BMPR2: variants seen among roughly 807,000 people sequenced by gnomAD.
The protein encoded by BMPR2 is bone morphogenetic protein receptor type-2.
In BMPR2, 29 loss-of-function variants were observed where a neutral mutation model predicts 100.8. That is an observed-to-expected ratio of 0.29 (90% CI 0.21 to 0.39). The LOEUF (loss-of-function observed/expected upper bound fraction) is 0.39. Among genes scored for constraint, BMPR2 ranks in the 10% least tolerant of loss-of-function variants. BMPR2 has a pLI of 1.00. For missense variants in BMPR2, 1,011 were observed against 1,274.5 expected (o/e 0.79, Z 3.15); for synonymous variants, 382 against 442.3 (o/e 0.86, Z 1.71).
chr2:202,483,310 A>G (rs1692697871), intron 3 of BMPR2, among the ~76,000 whole-genome samples: 1 of 149,328 alleles, frequency 6.7e-6, no homozygotes, highest in African/African-American at 2.5e-5. Flanking sequence ...TTGCCGTTTC[A>G]CTCTTTTGAT....
chr2:202,487,777 A>G (rs1473521025), intron 3 of BMPR2, among the ~76,000 whole-genome samples: 1 of 152,234 alleles, frequency 6.6e-6, no homozygotes, highest in Admixed American at 6.5e-5. Context: ...CTCAAACTTT[A>G]GCATTAATCA....
chr2:202,482,893 C>CA (rs1692688674), intron 3 of BMPR2, among the ~76,000 whole-genome samples: 1 of 152,114 alleles, frequency 6.6e-6, no homozygotes. Context: ...ACTATGTTGT[C>CA]AGGCTGGTCG....
chr2:202,535,193 C>A (rs1331913553), intron 9 of BMPR2, among the ~76,000 whole-genome samples: 2 of 150,708 alleles, frequency 1.3e-5, no homozygotes, highest in Non-Finnish European at 3.0e-5. Flanking sequence ...TGACCCCCCC[C>A]ACCTCCCTCC....
chr2:202,452,980 A>C (rs1254790755), intron 1 of BMPR2, among the ~76,000 whole-genome samples: 4 of 152,218 alleles, frequency 2.6e-5, no homozygotes, highest in African/African-American at 9.6e-5. Context: ...TAAAGAGAAC[A>C]GAATGCATGA....
chr2:202,515,090 T>A, intron 5 of BMPR2, 111 bp downstream of exon 5: 1 of 1,148,058 alleles, frequency 8.7e-7, no homozygotes, highest in Non-Finnish European at 1.3e-6. Flanking sequence ...CCCTATTTAC[T>A]AAATTACAAT....
intron 1 of BMPR2, among the ~76,000 whole-genome samples, chr2:202,419,143 A>C (rs141108448): frequency 6.6e-6 from 1 of 152,192 alleles, no homozygotes; most frequent in African/African-American, 2.4e-5. Flanking sequence ...GATGGCAAGA[A>C]TAGTAAGATT....
chr2:202,425,535 G>A (rs909961833), intron 1 of BMPR2, among the ~76,000 whole-genome samples: 9 of 152,138 alleles, frequency 5.9e-5, no homozygotes, highest in Non-Finnish European at 8.8e-5. Flanking sequence ...TCTCTGGGCC[G>A]AGATTAAAGG....
At chr2:202,511,067 G>A (rs1687615145) in intron 3 of BMPR2, among the ~76,000 whole-genome samples, 1 of 149,222 alleles carries the variant, frequency 6.7e-6, no homozygotes, top group African/African-American at 2.5e-5. Flanking sequence ...CACATTCATA[G>A]TGTTGTGCAA....
chr2:202,402,965 A>G (rs552743639), intron 1 of BMPR2, among the ~76,000 whole-genome samples: 1 of 150,514 alleles, frequency 6.6e-6, no homozygotes, highest in African/African-American at 2.5e-5. Flanking sequence ...AGTAGATGGG[A>G]TTACAGGCAT....
At chr2:202,521,302 C>T (rs1687815344) in intron 7 of BMPR2, among the ~76,000 whole-genome samples, 1 of 152,204 alleles carries the variant, frequency 6.6e-6, no homozygotes. Flanking sequence ...ATTGATGGCT[C>T]ATGCCTGTAA....
chr2:202,459,224 C>G (rs1692179467), intron 1 of BMPR2, among the ~76,000 whole-genome samples: 1 of 152,136 alleles, frequency 6.6e-6, no homozygotes, highest in Non-Finnish European at 1.5e-5. Context: ...TGGCAAACAT[C>G]TATATTTTTG....
chr2:202,530,213 T>A (rs1307861938), intron 7 of BMPR2, among the ~76,000 whole-genome samples: 1 of 152,138 alleles, frequency 6.6e-6, no homozygotes, highest in Admixed American at 6.6e-5. Flanking sequence ...AAAAACAAGT[T>A]TTCATATCTT....
At position 202,542,195 on chromosome 2, in the gene BMPR2, TAAA is replaced by T. The variant is rs987314190; in HGVS notation, c.1277-113_1277-111del. On this transcript the variant is annotated intron_variant, in intron 9 of 12. Coordinates refer to ENST00000374580, the MANE Select transcript of BMPR2 (RefSeq NM_001204.7). ...AATGTGCCTGAAGGGGATGAAAAAA[TAAA>T]AAGATTGTGACACAATTTTTTTTGC... 2.5e-5 allele frequency: 31 copies of T among 1,235,306 alleles called. No homozygotes were observed. In the African/African-American group the frequency reaches 4.1e-4, roughly 16 times the overall value. The allele number at this position is 1,235,306 out of a possible 1,614,324, so 76.5% of individuals were successfully genotyped here.
Position 202,555,795 on chromosome 2 carries a change from C to A in BMPR2, c.2130C>A (p.Leu710=). 4 of 1,614,112 alleles carry A rather than the reference C, an allele frequency of 2.5e-6. No homozygotes were observed. The highest frequency in any genetic ancestry group is 3.4e-6 in the Non-Finnish European group (4 of 1,180,030). The part of the protein sequence containing the change: ...SSTSSSLLYP[L]IKLAVEATGQ... ...CTAGTTCTAGCTTGCTTTACCCACTCATAAAACTTGCAGTAGAAGCAACTG... is the reference window on the plus strand; with the variant it reads ...CTAGTTCTAGCTTGCTTTACCCACTAATAAAACTTGCAGTAGAAGCAACTG... The change falls in exon 12 of 13, where the codon CTC becomes CTA. Residue 710 remains leucine (L), a synonymous_variant. Coordinates refer to ENST00000374580, the MANE Select transcript of BMPR2 (RefSeq NM_001204.7).
chr2:202,431,522 A>G (rs1259537825), intron 1 of BMPR2, among the ~76,000 whole-genome samples: 2 of 150,730 alleles, frequency 1.3e-5, no homozygotes, highest in Non-Finnish European at 2.9e-5. Context: ...GTCATGCACC[A>G]CTTAATGATG....
Position 202,561,589 on chromosome 2 carries a change from A to G in BMPR2, c.*1643A>G, listed in dbSNP as rs1329825755. The G allele has an allele frequency of 6.6e-6, 1 of 152,032 alleles. No individual in the cohort carries two copies. The highest frequency in any genetic ancestry group is 2.4e-5 in the African/African-American group (1 of 41,416). The allele number at this position is 152,032 out of a possible 1,614,324, so 9.4% of individuals were successfully genotyped here. On this transcript the variant is annotated 3_prime_UTR_variant, in exon 13 of 13. Transcript: ENST00000374580. Reference sequence around the variant, plus strand: ...ATTATCAGAGTACTTAGTAAATGTTATATAGTTTAGTTCTAAGATAGTTCC... The same window carrying G: ...ATTATCAGAGTACTTAGTAAATGTTGTATAGTTTAGTTCTAAGATAGTTCC...
chr2:202,524,864 C>T (rs1274083626), intron 7 of BMPR2, among the ~76,000 whole-genome samples: 4 of 151,842 alleles, frequency 2.6e-5, no homozygotes, highest in African/African-American at 4.8e-5. Context: ...GAAACCCCAT[C>T]TCTACTAAAA....
At position 202,532,722 on chromosome 2, in the gene BMPR2, C is replaced by G; in HGVS notation, c.1266C>G (p.Asp422Glu). ...IYWEIFMRCT[D>E]LFPGESVPEY... Reference sequence around the variant, plus strand: ...GGGAGATATTTATGAGATGTACAGACCTCTTCCCAGGTAAAAACTACTGTC... The same window carrying G: ...GGGAGATATTTATGAGATGTACAGAGCTCTTCCCAGGTAAAAACTACTGTC... The change falls in exon 9 of 13, where the codon GAC (aspartate) becomes GAG (glutamate). Residue 422 changes from aspartate (D) to glutamate (E), a missense_variant. Physicochemically the swap from Asp to Glu is conservative, Grantham distance 45. Transcript: ENST00000374580. The surrounding 1 kb of genome is among the most constrained non-coding windows in gnomAD (Gnocchi z 4.1). 1 of 1,612,696 alleles carries G rather than the reference C, an allele frequency of 6.2e-7. No individual in the cohort carries two copies. Among genetic ancestry groups the G allele is most frequent in the South Asian group, 1.1e-5 (1 of 91,070 alleles).
Position 202,555,322 on chromosome 2 carries a change from G to C in BMPR2, c.1657G>C (p.Glu553Gln). Residue 553 changes from glutamate to glutamine, a missense_variant, in exon 12 of 13, where the codon GAA (glutamate) becomes CAA (glutamine). Around this residue, in one of 6 missense-constraint regions of BMPR2, gnomAD observed 508 missense variants for 552.0 expected, o/e 0.92. Transcript: ENST00000374580. Reference protein sequence around the residue: ...YPDYSSSSYIEDSIHHTDSIV... With the variant: ...YPDYSSSSYIQDSIHHTDSIV... ...AGATTATTCTTCCTCCTCATACATT[G>C]AAGACTCTATCCATCATACTGACAG... 6.2e-7 allele frequency: 1 copy of C among 1,614,024 alleles called. No individual in the cohort carries two copies. The highest frequency in any genetic ancestry group is 1.3e-5 in the African/African-American group (1 of 75,020).
Sources: allele counts gnomAD v4.1 joint callset (sites outside exome capture counted in the v4.1 genomes callset), GRCh38; gene constraint gnomAD v4.1.1; regional missense constraint gnomAD v4.1.1; non-coding constraint Gnocchi (gnomAD v3.1); transcripts MANE v1.5; gene names NCBI Gene and HGNC (gene_info 2026-07-23, HGNC 2026-07-21).